Variants in PIGU observed in about 807,000 individuals in gnomAD.
PIGU encodes the protein phosphatidylinositol glycan anchor biosynthesis class U.
PIGU carries 24 observed loss-of-function variants against 49.9 expected under a neutral mutation model. That is an observed-to-expected ratio of 0.48 (90% CI 0.35 to 0.68). The LOEUF is 0.68. Among genes scored for constraint, PIGU ranks in the 30% least tolerant of loss-of-function variants. The pLI is 0.01. For missense variants in PIGU, 490 were observed against 532.6 expected, an observed-to-expected ratio of 0.92 and a Z score of 0.79; for synonymous variants, 220 against 205.7, an observed-to-expected ratio of 1.07 and a Z score of -0.59.
At chr20:34,616,507 G>C (rs978645450) in intron 6 of PIGU, among the ~76,000 whole-genome samples, 3 of 152,124 alleles carry the variant, frequency 2.0e-5, no homozygotes, top group Non-Finnish European at 4.4e-5. Context: ...TACAATTATT[G>C]CTTATGATAT....
At position 34,659,716 on chromosome 20, in the gene PIGU, A is replaced by C. The variant is rs185232029; in HGVS notation, c.131-2472T>G. Among the ~76,000 whole-genome samples, 341 of 152,310 alleles carry C rather than the reference A, an allele frequency of 2.2e-3. 1 individual carries two copies. Among genetic ancestry groups the C allele is most frequent in the African/African-American group, 6.1e-3 (253 of 41,570 alleles). ...ATTTTGTTCTGTACTAAGAAAAATT[A>C]TTCTGCCTTGGGATCCTGTTGATCT... On this transcript the variant is annotated intron_variant, in intron 1 of 11. Transcript: ENST00000217446.
intron 4 of PIGU, among the ~76,000 whole-genome samples, chr20:34,639,828 T>A (rs1986092784): frequency 6.6e-6 from 1 of 152,198 alleles, no homozygotes; most frequent in South Asian, 2.1e-4. Flanking sequence ...GTAAGATTTA[T>A]GGTGCCATTC....
intron 7 of PIGU, among the ~76,000 whole-genome samples, chr20:34,599,265 C>A (rs982654838): frequency 5.9e-5 from 9 of 151,972 alleles, no homozygotes; most frequent in Non-Finnish European, 1.3e-4. Flanking sequence ...CCAGCCTGGG[C>A]AACATGGCAA....
intron 1 of PIGU, among the ~76,000 whole-genome samples, chr20:34,667,894 A>G (rs906623954): frequency 6.6e-6 from 1 of 152,300 alleles, no homozygotes. Flanking sequence ...GGCAGACACT[A>G]CATTAACCAA....
chr20:34,655,060 A>T lies in PIGU; in HGVS notation c.195+2120T>A. ...AGTGGCTCATGCCTGTAATCCCAACACTTTCGGAGGCCAAGGCAGGAGGAT... is the reference window on the plus strand; with the variant it reads ...AGTGGCTCATGCCTGTAATCCCAACTCTTTCGGAGGCCAAGGCAGGAGGAT... On this transcript the variant is annotated intron_variant, in intron 2 of 11. Coordinates refer to ENST00000217446, the MANE Select transcript of PIGU (RefSeq NM_080476.5). 1.7e-5 allele frequency among the ~76,000 whole-genome samples: 2 copies of T among 118,164 alleles called. 1 individual carries two copies. The highest frequency in any genetic ancestry group is 3.6e-5 in the Non-Finnish European group (2 of 55,730). The allele number at this position is 118,164 out of a possible 152,430, so 77.5% of individuals were successfully genotyped here.
At chr20:34,666,172 C>G (rs1180468175) in intron 1 of PIGU, among the ~76,000 whole-genome samples, 4 of 151,690 alleles carry the variant, frequency 2.6e-5, no homozygotes, top group Non-Finnish European at 4.4e-5. Flanking sequence ...GGCGATAGAA[C>G]AAGACTCCAT....
At chr20:34,606,254 C>CAA (rs35050660) in intron 7 of PIGU, among the ~76,000 whole-genome samples, 21 of 83,794 alleles carry the variant, frequency 2.5e-4, no homozygotes, top group South Asian at 4.3e-4. Context: ...GACTCCGTCT[C>CAA]AAAAAAAAAA....
rs1984993319 is a variant in PIGU, at chr20:34,616,050, G to C, written c.619C>G (p.Leu207Val). ...GACCAGCAAGTGCTTACCTGGAGGA[G>C]ATAGAGGAGTCCTGGGACAAACAAG... ...LTLFVPGLLY[L>V]LQRQYIPVKM... Residue 207 changes from leucine (L) to valine (V), a missense_variant, in exon 7 of 12, where the codon CTC (leucine) becomes GTC (valine). Transcript: ENST00000217446. 2 of 1,611,024 alleles carry C rather than the reference G, an allele frequency of 1.2e-6. No homozygotes were observed. Among genetic ancestry groups the C allele is most frequent in the Non-Finnish European group, 1.7e-6 (2 of 1,178,812 alleles).
intron 6 of PIGU, among the ~76,000 whole-genome samples, chr20:34,631,371 G>C (rs926120399): frequency 1.3e-5 from 2 of 151,768 alleles, no homozygotes; most frequent in Non-Finnish European, 2.9e-5. Context: ...AGAGGACAGA[G>C]AAAACAGAGG....
chr20:34,603,856 G>A (rs1314833106), intron 7 of PIGU, among the ~76,000 whole-genome samples: 1 of 73,594 alleles, frequency 1.4e-5, no homozygotes, highest in Non-Finnish European at 2.8e-5. Context: ...ACCTTTTAGT[G>A]GACAGACACA....
chr20:34,581,767 C>T (rs1983482571), intron 9 of PIGU, 95 bp from the exon 10 acceptor site: 2 of 1,447,806 alleles, frequency 1.4e-6, no homozygotes, highest in Admixed American at 2.1e-5. Flanking sequence ...AAAAATAATC[C>T]TCAGGGGACT....
At chr20:34,628,878 ATATATGT>A (rs1426615533) in intron 6 of PIGU, among the ~76,000 whole-genome samples, 2 of 152,062 alleles carry the variant, frequency 1.3e-5, no homozygotes, top group African/African-American at 4.8e-5. Context: ...ACATTTATTG[ATATATGT>A]TATATGTAGT....
At chr20:34,642,822 A>G (rs1986212444) in intron 4 of PIGU, among the ~76,000 whole-genome samples, 1 of 139,738 alleles carries the variant, frequency 7.2e-6, no homozygotes, top group Non-Finnish European at 1.5e-5. Flanking sequence ...CAGTGGCGCG[A>G]TCTTGGCTCA....
chr20:34,662,386 A>T (rs1986954387), intron 1 of PIGU, among the ~76,000 whole-genome samples: 1 of 145,376 alleles, frequency 6.9e-6, no homozygotes, highest in Admixed American at 7.2e-5. Flanking sequence ...CACCATGCCC[A>T]GCCCTTTGCC....
At chr20:34,620,446 T>C (rs1271374820) in intron 6 of PIGU, among the ~76,000 whole-genome samples, 1 of 152,112 alleles carries the variant, frequency 6.6e-6, no homozygotes, top group Non-Finnish European at 1.5e-5. Flanking sequence ...GTAACAACCG[T>C]TGATTATAGT....
intron 1 of PIGU, among the ~76,000 whole-genome samples, chr20:34,658,263 G>A (rs1285172285): frequency 4.6e-5 from 7 of 152,368 alleles, no homozygotes; most frequent in Admixed American, 1.3e-4. Context: ...CCGAGGTGCC[G>A]GGATTGCAGA....
chr20:34,594,142 A>T (rs1984101821), intron 7 of PIGU, among the ~76,000 whole-genome samples: 2 of 152,232 alleles, frequency 1.3e-5, no homozygotes, highest in Non-Finnish European at 2.9e-5. Flanking sequence ...GTGCCACTGC[A>T]CTCCAGCCTG....
chr20:34,597,484 T>TG (rs1308416323), intron 7 of PIGU, among the ~76,000 whole-genome samples: 1 of 152,200 alleles, frequency 6.6e-6, no homozygotes, highest in Admixed American at 6.5e-5. Flanking sequence ...TGGGAATTGA[T>TG]GGGGAAAGGA....
At chr20:34,626,282 A>G (rs1239298854) in intron 6 of PIGU, among the ~76,000 whole-genome samples, 1 of 150,110 alleles carries the variant, frequency 6.7e-6, no homozygotes, top group Non-Finnish European at 1.5e-5. Context: ...ATAAATGAAT[A>G]AAATTTTTTA....
Sources: allele counts gnomAD v4.1 joint callset (sites outside exome capture counted in the v4.1 genomes callset), GRCh38; gene constraint gnomAD v4.1.1; transcripts MANE v1.5; gene names NCBI Gene and HGNC (gene_info 2026-07-23, HGNC 2026-07-21).